CCDC142: variants seen among roughly 807,000 people sequenced by gnomAD.
CCDC142 encodes the protein coiled-coil domain-containing protein 142.
Under a neutral mutation model 83.8 loss-of-function variants are expected in CCDC142, and 67 were observed. The observed-to-expected ratio is 0.80, with a 90% CI of 0.66 to 0.98. The LOEUF is 0.98. Among genes scored for constraint, CCDC142 ranks in the 50% least tolerant of loss-of-function variants. The probability of loss-of-function intolerance (pLI) is 0.00; values close to 1 mark genes in which losing one functional copy is unlikely to be tolerated. For synonymous variants in CCDC142, 421 were observed against 421.2 expected (o/e 1.00, Z 0.01); for missense variants, 905 against 946.8 (o/e 0.96, Z 0.58).
intron 5 of CCDC142, among the ~76,000 whole-genome samples, chr2:74,476,131 T>C (rs374236837): frequency 6.8e-6 from 1 of 146,478 alleles, no homozygotes; most frequent in African/African-American, 2.6e-5. Context: ...AGGGATTGTA[T>C]GATCTGCAAT....
At chr2:74,477,548 C>T (rs1352851726) in intron 5 of CCDC142, among the ~76,000 whole-genome samples, 2 of 152,164 alleles carry the variant, frequency 1.3e-5, no homozygotes, top group Non-Finnish European at 2.9e-5. Context: ...GGAACCTCTG[C>T]TCTGGTAAGG....
In CCDC142 at chr2:74,481,002, G is replaced by A; in HGVS notation, c.1343C>T (p.Ala448Val). Residue 448 changes from alanine to valine, a missense_variant, in exon 4 of 9, where the codon GCA becomes GTA. This residue lies in a region of CCDC142 where 49 missense variants were observed against 86.4 expected (regional missense o/e 0.57). Transcript: ENST00000393965. ...GAGCAGGAAGGAAGCTGGGTCCCATGCTGCCAAGTACTGCTGAGCTCTGCC... is the reference window on the plus strand; with the variant it reads ...GAGCAGGAAGGAAGCTGGGTCCCATACTGCCAAGTACTGCTGAGCTCTGCC... ...FLGRAQQYLA[A>V]WDPASFLLLI... 2 of 1,614,132 alleles carry A rather than the reference G, an allele frequency of 1.2e-6. No homozygotes were observed. Among genetic ancestry groups the A allele is most frequent in the Non-Finnish European group, 1.7e-6 (2 of 1,180,022 alleles).
At position 74,481,038 on chromosome 2, in the gene CCDC142, A is replaced by G; in HGVS notation, c.1307T>C (p.Leu436Pro). The stretch of plus-strand genomic sequence containing the variant: ...CTGCTGAGCTCTGCCCAGGAACCAG[A>G]GCAAGGTGGTCTGAAGGGTACAGAG... ...LGLCTLQTTL[L>P]WFLGRAQQYL... Residue 436 changes from leucine (L) to proline (P), a missense_variant, in exon 4 of 9, where the codon CTC (leucine) becomes CCC (proline). By Grantham distance (98) the Leu-to-Pro change is moderately conservative (BLOSUM62 -3). This residue lies in a region of CCDC142 where 591 missense variants were observed against 571.4 expected (regional missense o/e 1.03). Transcript: ENST00000393965. 1 of 1,614,098 alleles carries G rather than the reference A, an allele frequency of 6.2e-7. No homozygotes were observed. Among genetic ancestry groups the G allele is most frequent in the Non-Finnish European group, 8.5e-7 (1 of 1,180,030 alleles).
In CCDC142 at chr2:74,475,369, A is replaced by G. The variant is rs745722820; in HGVS notation, c.1652T>C (p.Leu551Ser). 3 of 1,601,124 alleles carry G rather than the reference A, an allele frequency of 1.9e-6. No individual in the cohort carries two copies. Among genetic ancestry groups the G allele is most frequent in the Non-Finnish European group, 2.6e-6 (3 of 1,173,152 alleles). ...AGGCTCCAGTACGGTGCGGACCACT[A>G]AACCAGCATACTCACTAGGAGCACT... is the stretch of plus-strand genomic sequence containing the variant. Reference protein sequence around the residue: ...PPSAPSEYAGLVVRTVLEPVL... With the variant: ...PPSAPSEYAGSVVRTVLEPVL... The change falls in exon 7 of 9, where the codon TTA (leucine) becomes TCA (serine). Residue 551 changes from leucine to serine, a missense_variant. Transcript: ENST00000393965.
intron 5 of CCDC142, among the ~76,000 whole-genome samples, chr2:74,479,567 T>C (rs941535706): frequency 6.6e-5 from 10 of 152,182 alleles, no homozygotes; most frequent in Admixed American, 6.5e-4. Context: ...TAATATTCTA[T>C]TTCACTTTTT....
At position 74,481,159 on chromosome 2, in the gene CCDC142, C is replaced by G. The variant is rs551986523; in HGVS notation, c.1258+64G>C. On this transcript the variant is annotated intron_variant, in intron 3 of 8. Coordinates refer to ENST00000393965, the MANE Select transcript of CCDC142 (RefSeq NM_001365575.2). ...CTTTGGGAAGAGGCAGATTTCAGAA[C>G]AGAGTGAAAGAAAAGAGATATCCTC... The G allele has an allele frequency of 1.2e-4, 195 of 1,611,218 alleles. 1 individual carries two copies. The highest frequency in any genetic ancestry group is 1.5e-4 in the Non-Finnish European group (181 of 1,178,160).
chr2:74,473,029 A>C lies in CCDC142; in HGVS notation c.*1517T>G. 6.4e-6 allele frequency: 2 copies of C among 312,530 alleles called. No homozygotes were observed. The highest frequency in any genetic ancestry group is 1.2e-5 in the Non-Finnish European group (2 of 164,126). 19.4% of individuals were successfully genotyped at this position (312,530 alleles called of 1,614,324 possible). A position where few individuals can be genotyped will look rare whatever the true frequency, so the allele number is the denominator to read the frequency against. ...CACATCTAGGCTAACTCGATCTTAA[A>C]TCCTGGCTTCTTCCAAAGAGAGAGC... On this transcript the variant is annotated 3_prime_UTR_variant, in exon 9 of 9. Coordinates refer to ENST00000393965, the MANE Select transcript of CCDC142 (RefSeq NM_001365575.2).
intron 5 of CCDC142, among the ~76,000 whole-genome samples, chr2:74,478,809 C>T (rs1392766620): frequency 1.3e-5 from 2 of 150,590 alleles, no homozygotes; most frequent in Non-Finnish European, 3.0e-5. Flanking sequence ...GGTGGATCAC[C>T]TGAGGTCAAG....
chr2:74,475,561 C>A (rs1205418206), intron 6 of CCDC142, 51 bp downstream of exon 6: 4 of 1,524,486 alleles, frequency 2.6e-6, no homozygotes, highest in Non-Finnish European at 3.6e-6. Context: ...AGGGCTGAGA[C>A]ACTATTACCC....
chr2:74,480,969 T>C lies in CCDC142; in HGVS notation c.1376A>G (p.Gln459Arg). ...CCAGCCACTCACAGGTAAGTCCTTT[T>C]GGATCAGGAGCAGGAAGGAAGCTGG... ...WDPASFLLLI[Q>R]KDLPPLLHEA... The change falls in exon 4 of 9, where the codon CAA (glutamine) becomes CGA (arginine). Residue 459 changes from glutamine (Q) to arginine (R), a missense_variant. Physicochemically the swap from Gln to Arg is conservative, Grantham distance 43. Transcript: ENST00000393965. The C allele has an allele frequency of 6.2e-7, 1 of 1,614,114 alleles. No individual in the cohort carries two copies. Among genetic ancestry groups the C allele is most frequent in the South Asian group, 1.1e-5 (1 of 91,078 alleles).
chr2:74,482,667 C>A lies in CCDC142; in HGVS notation c.171G>T (p.Trp57Cys), dbSNP rs1035833028. The change falls in exon 1 of 9, where the codon TGG becomes TGT. Residue 57 changes from tryptophan to cysteine, a missense_variant. Transcript: ENST00000393965. The surrounding 1 kb of genome is among the most constrained non-coding windows in gnomAD (Gnocchi z 5.0). Reference protein sequence around the residue: ...PSGTSGGTPWWPTPADVSEDY... With the variant: ...PSGTSGGTPWCPTPADVSEDY... Reference sequence around the variant, plus strand: ...CCTCGCTCACATCCGCCGGCGTCGGCCACCACGGCGTCCCTCCAGAAGTTC... The same window carrying A: ...CCTCGCTCACATCCGCCGGCGTCGGACACCACGGCGTCCCTCCAGAAGTTC... 3 of 1,611,042 alleles carry A rather than the reference C, an allele frequency of 1.9e-6. No individual in the cohort carries two copies. The African/African-American group carries it at 4.0e-5, about 21-fold the overall frequency.
chr2:74,480,422 C>G (rs1672414573), intron 5 of CCDC142, among the ~76,000 whole-genome samples: 1 of 152,016 alleles, frequency 6.6e-6, no homozygotes, highest in Middle Eastern at 3.4e-3. Context: ...AACCCTGTCT[C>G]TACTAAAAAA....
chr2:74,480,768 C>T lies in CCDC142; in HGVS notation c.1503+1G>A. On this transcript the variant is annotated splice_donor_variant, in intron 5 of 8. Transcript: ENST00000393965. LOFTEE classifies it high-confidence loss of function. The stretch of plus-strand genomic sequence containing the variant: ...GCCACTGTTGAGGCCCCTGTTCTCA[C>T]CTGGATCTGTGCAGTCAGCTTCTGG... 1.2e-6 allele frequency: 2 copies of T among 1,609,012 alleles called. No homozygotes were observed. Among genetic ancestry groups the T allele is most frequent in the South Asian group, 2.2e-5 (2 of 90,792 alleles).
rs1672230731 is a variant in CCDC142, at chr2:74,473,262, C to T, written c.*1284G>A. 6.4e-6 allele frequency: 1 copy of T among 156,064 alleles called. No individual in the cohort carries two copies. The highest frequency in any genetic ancestry group is 1.4e-5 in the Non-Finnish European group (1 of 70,018). The allele number at this position is 156,064 out of a possible 1,614,324, so 9.7% of individuals were successfully genotyped here. On this transcript the variant is annotated 3_prime_UTR_variant, in exon 9 of 9. Coordinates refer to ENST00000393965, the MANE Select transcript of CCDC142 (RefSeq NM_001365575.2). Reference sequence around the variant, plus strand: ...TCCAGGTATAGAAATGCCTATTAAACCTCTGTGGTTCTCCATGAATTAGCG... The same window carrying T: ...TCCAGGTATAGAAATGCCTATTAAATCTCTGTGGTTCTCCATGAATTAGCG...
intron 5 of CCDC142, among the ~76,000 whole-genome samples, 177 bp downstream of exon 5, chr2:74,480,590 CAA>C (rs374053495): frequency 7.8e-4 from 44 of 56,070 alleles, no homozygotes; most frequent in Admixed American, 1.2e-3. Flanking sequence ...GACCCTGTCT[CAA>C]AAAAAAAAAA....
intron 5 of CCDC142, among the ~76,000 whole-genome samples, chr2:74,478,118 A>G (rs1439125473): frequency 3.3e-5 from 5 of 149,680 alleles, no homozygotes; most frequent in Non-Finnish European, 4.4e-5. Context: ...CTGGAATGCA[A>G]TGGCACGCTC....
rs1205717981 is a variant in CCDC142 at position 74,473,187 on chromosome 2, A to C, written c.*1359T>G. On this transcript the variant is annotated 3_prime_UTR_variant, in exon 9 of 9. Transcript: ENST00000393965. ...ACAGCCCAATATTAGTAAATGACTGAAAATAGTAATAGGAAGGGCAGTACA... is the reference window on the plus strand; with the variant it reads ...ACAGCCCAATATTAGTAAATGACTGCAAATAGTAATAGGAAGGGCAGTACA... 1 of 191,996 alleles carries C rather than the reference A, an allele frequency of 5.2e-6. No individual in the cohort carries two copies. The highest frequency in any genetic ancestry group is 2.4e-5 in the African/African-American group (1 of 41,768). The allele number at this position is 191,996 out of a possible 1,614,324, so 11.9% of individuals were successfully genotyped here.
rs200721448 is a variant in CCDC142 at position 74,482,565 on chromosome 2, G to C, written c.273C>G (p.Leu91=). 1 of 1,602,332 alleles carries C rather than the reference G, an allele frequency of 6.2e-7. No individual in the cohort carries two copies. Among genetic ancestry groups the C allele is most frequent in the Admixed American group, 1.7e-5 (1 of 59,248 alleles). Residue 91 remains leucine, a synonymous_variant, in exon 1 of 9, where the codon CTC becomes CTG. Coordinates refer to ENST00000393965, the MANE Select transcript of CCDC142 (RefSeq NM_001365575.2). The surrounding 1 kb of genome is among the most constrained non-coding windows in gnomAD (Gnocchi z 5.0). ...GGPIPPALQR[L]RAVLLRLHRE... ...GATGCAGCCGCAGCAACACCGCCCG[G>C]AGACGCTGCAGCGCGGGAGGGATCG...
chr2:74,479,925 G>A (rs753788485), intron 5 of CCDC142, among the ~76,000 whole-genome samples: 70 of 152,146 alleles, frequency 4.6e-4, no homozygotes, highest in Non-Finnish European at 6.8e-4. Flanking sequence ...GAAATGTGCC[G>A]ATAACTGGTA....
Sources: allele counts gnomAD v4.1 joint callset (sites outside exome capture counted in the v4.1 genomes callset), GRCh38; gene constraint gnomAD v4.1.1; regional missense constraint gnomAD v4.1.1; non-coding constraint Gnocchi (gnomAD v3.1); transcripts MANE v1.5; gene names NCBI Gene and HGNC (gene_info 2026-07-23, HGNC 2026-07-21).